FNIP2: variants seen among roughly 807,000 people sequenced by gnomAD.
FNIP2 encodes the protein folliculin interacting protein 2, also known as folliculin-interacting protein 2.
Under a neutral mutation model 108.7 loss-of-function variants are expected in FNIP2, and 32 were observed. That is an observed-to-expected ratio of 0.29 (90% confidence interval 0.22 to 0.40). The LOEUF is 0.40. FNIP2 is among the 10% of genes least tolerant of loss of function. The probability of loss-of-function intolerance (pLI) is 1.00; values close to 1 mark genes in which losing one functional copy is unlikely to be tolerated. For synonymous variants in FNIP2, 480 were observed against 496.7 expected (o/e 0.97, Z 0.45); for missense variants, 1,202 against 1,381.6 (o/e 0.87, Z 2.06).
At chr4:158,807,722 G>GA (rs1777047426) in intron 1 of FNIP2, among the ~76,000 whole-genome samples, 1 of 151,912 alleles carries the variant, frequency 6.6e-6, no homozygotes, top group African/African-American at 2.4e-5. Context: ...CTCTAAAAAA[G>GA]AAAAAAGAAA....
intron 8 of FNIP2, among the ~76,000 whole-genome samples, chr4:158,855,255 A>T (rs1030012498): frequency 6.6e-6 from 1 of 152,178 alleles, no homozygotes; most frequent in Non-Finnish European, 1.5e-5. Context: ...TTACAGCACA[A>T]AAGTCCAAAG....
At position 158,891,429 on chromosome 4, in the gene FNIP2, T is replaced by G; in HGVS notation, c.2950-17T>G. Reference sequence around the variant, plus strand: ...CACCTGGATAAATAAACCCATCCCTTTGTGTTTCTTTTTCAGCATCCAGTC... The same window carrying G: ...CACCTGGATAAATAAACCCATCCCTGTGTGTTTCTTTTTCAGCATCCAGTC... On this transcript the variant is annotated splice_polypyrimidine_tract_variant and intron_variant, in intron 14 of 16. Coordinates refer to ENST00000264433, the MANE Select transcript of FNIP2 (RefSeq NM_020840.3). 6.4e-7 allele frequency: 1 copy of G among 1,573,980 alleles called. No homozygotes were observed. Among genetic ancestry groups the G allele is most frequent in the Non-Finnish European group, 8.6e-7 (1 of 1,157,490 alleles).
chr4:158,791,372 C>T (rs542927641), intron 1 of FNIP2, among the ~76,000 whole-genome samples: 1 of 148,456 alleles, frequency 6.7e-6, no homozygotes, highest in Non-Finnish European at 1.5e-5. Context: ...CAACCTCCAC[C>T]TCCCAGGTTC....
intron 1 of FNIP2, among the ~76,000 whole-genome samples, chr4:158,811,346 A>G (rs1777257946): frequency 6.6e-6 from 1 of 152,172 alleles, no homozygotes; most frequent in African/African-American, 2.4e-5. Context: ...AGGCAGAAAA[A>G]GGAACTTAGT....
At chr4:158,861,876 T>C in intron 12 of FNIP2, 100 bp downstream of exon 12, 2 of 1,378,604 alleles carry the variant, frequency 1.5e-6, no homozygotes, top group Non-Finnish European at 2.0e-6. Flanking sequence ...CAGTAATTCA[T>C]AGGTTGTCTT....
intron 14 of FNIP2, among the ~76,000 whole-genome samples, chr4:158,882,412 C>A (rs1369995822): frequency 6.9e-6 from 1 of 144,150 alleles, no homozygotes; most frequent in Non-Finnish European, 1.5e-5. Context: ...CCACCCCGTC[C>A]GGGAGGTGGG....
chr4:158,832,303 G>A (rs1778530750), intron 5 of FNIP2, among the ~76,000 whole-genome samples, 165 bp downstream of exon 5: 1 of 152,214 alleles, frequency 6.6e-6, no homozygotes, highest in South Asian at 2.1e-4. Context: ...CAGTGAGTGG[G>A]AAAAGACCTT....
intron 7 of FNIP2, 160 bp downstream of exon 7, chr4:158,835,636 A>G: frequency 3.4e-6 from 2 of 590,346 alleles, no homozygotes; most frequent in South Asian, 4.0e-5. Flanking sequence ...ACTTTAATGT[A>G]CAGTATCCAT....
At chr4:158,836,179 A>G (rs986739743) in intron 7 of FNIP2, 1 of 152,236 alleles carries the variant, frequency 6.6e-6, no homozygotes, top group Non-Finnish European at 1.5e-5. Context: ...CCTGTGATAC[A>G]TGACACCTTC....
intron 10 of FNIP2, among the ~76,000 whole-genome samples, chr4:158,860,515 A>G (rs1780221228): frequency 6.6e-6 from 1 of 152,212 alleles, no homozygotes; most frequent in African/African-American, 2.4e-5. Context: ...TGAGAATGAC[A>G]TAAAGTTGTG....
At chr4:158,871,468 CTG>C in intron 14 of FNIP2, 1 of 985,260 alleles carries the variant, frequency 1.0e-6, no homozygotes, top group South Asian at 4.7e-5. Context: ...AGCATCTCCT[CTG>C]TGAAGACCAA....
At chr4:158,903,570 G>A (rs1374241683) in intron 16 of FNIP2, among the ~76,000 whole-genome samples, 3 of 152,048 alleles carry the variant, frequency 2.0e-5, no homozygotes, top group Admixed American at 1.3e-4. Context: ...GGTCCTCTTA[G>A]TGCATTATTA....
At chr4:158,874,218 C>G (rs1781124529) in intron 14 of FNIP2, among the ~76,000 whole-genome samples, 1 of 152,116 alleles carries the variant, frequency 6.6e-6, no homozygotes, top group Admixed American at 6.5e-5. Context: ...ACAGACAAAC[C>G]TAAGTTTGAA....
chr4:158,772,228 ATAAAT>A (rs933813049), intron 1 of FNIP2, among the ~76,000 whole-genome samples: 2 of 152,242 alleles, frequency 1.3e-5, no homozygotes, highest in African/African-American at 4.8e-5. Flanking sequence ...TACCAGAAAA[ATAAAT>A]TAGGACAAAA....
chr4:158,831,769 G>A (rs1224677569), intron 3 of FNIP2, 92 bp from the exon 4 acceptor site: 11 of 792,576 alleles, frequency 1.4e-5, no homozygotes, highest in East Asian at 5.4e-5. Flanking sequence ...TTTAATCACC[G>A]ATGACACTAA....
intron 1 of FNIP2, among the ~76,000 whole-genome samples, chr4:158,805,292 G>T (rs1776905914): frequency 6.6e-6 from 1 of 152,182 alleles, no homozygotes; most frequent in Non-Finnish European, 1.5e-5. Context: ...TGTATGTAAA[G>T]ATTTGACCTG....
At chr4:158,848,147 G>A (rs972249338) in intron 7 of FNIP2, among the ~76,000 whole-genome samples, 12 of 151,978 alleles carry the variant, frequency 7.9e-5, no homozygotes, top group Non-Finnish European at 1.0e-4. Flanking sequence ...AAATACAGGC[G>A]GTAACCAGGT....
Position 158,906,935 on chromosome 4 carries a change from GA to G in FNIP2, c.*2397del, listed in dbSNP as rs1410838385. 1 of 152,040 alleles carries G rather than the reference GA, an allele frequency of 6.6e-6. No individual in the cohort carries two copies. The highest frequency in any genetic ancestry group is 2.4e-5 in the African/African-American group (1 of 41,398). The allele number at this position is 152,040 out of a possible 1,614,324, so 9.4% of individuals were successfully genotyped here. A position where few individuals can be genotyped will look rare whatever the true frequency, so the allele number is the denominator to read the frequency against. On this transcript the variant is annotated 3_prime_UTR_variant, in exon 17 of 17. Coordinates refer to ENST00000264433, the MANE Select transcript of FNIP2 (RefSeq NM_020840.3). ...CCACTTGCTCCCATGCCCACCTCAA[GA>G]AAAAACATAAAACAATTTTTTTTAA...
intron 16 of FNIP2, among the ~76,000 whole-genome samples, chr4:158,902,709 T>A (rs1729439640): frequency 6.6e-6 from 1 of 152,222 alleles, no homozygotes; most frequent in South Asian, 2.1e-4. Flanking sequence ...AGAGAGGCAG[T>A]CTGGCCCCAG....
Sources: gnomAD v4.1 joint callset for allele counts (sites outside exome capture counted in the v4.1 genomes callset) on GRCh38, gnomAD v4.1.1 for gene constraint, MANE v1.5 for transcripts, NCBI Gene and HGNC (gene_info 2026-07-23, HGNC 2026-07-21) for gene names.